CDC5L: variants seen among roughly 807,000 people sequenced by gnomAD.
CDC5L encodes cell division cycle 5 like, also known as cell division cycle 5-like protein.
Under a neutral mutation model 104.1 loss-of-function variants are expected in CDC5L, and 18 were observed. The observed-to-expected ratio is 0.17, with a 90% CI of 0.12 to 0.26. The LOEUF (loss-of-function observed/expected upper bound fraction) is 0.26, where lower values mean the gene tolerates loss of function less well. Ranked by LOEUF, CDC5L falls within the 10% of genes least tolerant of loss-of-function variation. The pLI is 1.00. For synonymous variants in CDC5L, 331 were observed against 322.7 expected, an observed-to-expected ratio of 1.03 and a Z score of -0.28; for missense variants, 673 against 956.9, an observed-to-expected ratio of 0.70 and a Z score of 3.91.
chr6:44,389,222 A>G (rs1385821447), intron 1 of CDC5L, among the ~76,000 whole-genome samples: 2 of 152,248 alleles, frequency 1.3e-5, no homozygotes, highest in Admixed American at 1.3e-4. Context: ...GTTACAAAAA[A>G]GACAATGAAA....
At chr6:44,440,242 CTTT>C (rs770556481) in intron 14 of CDC5L, among the ~76,000 whole-genome samples, 3 of 138,874 alleles carry the variant, frequency 2.2e-5, no homozygotes, top group Admixed American at 7.3e-5. Context: ...TTGACTTAGA[CTTT>C]TTTTTTTTTT....
rs564438879 is a variant in CDC5L at position 44,436,776 on chromosome 6, G to A, written c.2091+6866G>A. On this transcript the variant is annotated intron_variant, in intron 14 of 15. Coordinates refer to ENST00000371477, the MANE Select transcript of CDC5L (RefSeq NM_001253.4). ...ATACCGTATTATGAAATAGAATTACGGTGCGTGAAATTTGTCAGCTTGGCC... is the reference window on the plus strand; with the variant it reads ...ATACCGTATTATGAAATAGAATTACAGTGCGTGAAATTTGTCAGCTTGGCC... 5.1e-3 allele frequency among the ~76,000 whole-genome samples: 782 copies of A among 152,070 alleles called. 3 individuals carry two copies. Among genetic ancestry groups the A allele is most frequent in the Non-Finnish European group, 7.2e-3 (492 of 68,002 alleles).
chr6:44,441,989 T>G, intron 14 of CDC5L, among the ~76,000 whole-genome samples: 1 of 137,014 alleles, frequency 7.3e-6, no homozygotes. Flanking sequence ...CAGGCTGGAG[T>G]GCAGTGGTGC....
At chr6:44,427,438 G>C (rs1792476021) in intron 13 of CDC5L, among the ~76,000 whole-genome samples, 1 of 152,124 alleles carries the variant, frequency 6.6e-6, no homozygotes, top group Admixed American at 6.6e-5. Context: ...TAGACCTATG[G>C]ATTTGGAATG....
In CDC5L at chr6:44,426,232, T is replaced by C. The variant is rs370455573; in HGVS notation, c.1650+49T>C. 1.7e-4 allele frequency: 224 copies of C among 1,316,884 alleles called. No individual in the cohort carries two copies. In the Middle Eastern group the frequency reaches 2.1e-3, roughly 12 times the overall value. 81.6% of individuals were successfully genotyped at this position (1,316,884 alleles called of 1,614,324 possible). A position where few individuals can be genotyped will look rare whatever the true frequency, so the allele number is the denominator to read the frequency against. On this transcript the variant is annotated intron_variant, in intron 12 of 15. Transcript: ENST00000371477. The stretch of plus-strand genomic sequence containing the variant: ...AGGAAGTTTTAAGTTTCTTTTTATA[T>C]GATTGCTGCGTTTTACATCATTCAT...
rs11572048 is a variant in CDC5L, at chr6:44,445,723, G to C, written c.2160G>C (p.Leu720Phe). ...AAKMEKKMKI[L>F]LGGYQSRAMG... The stretch of plus-strand genomic sequence containing the variant: ...AGATGGAAAAGAAGATGAAAATTTT[G>C]CTTGGGGGTTACCAGTCTCGTGCTA... The change falls in exon 15 of 16, where the codon TTG becomes TTC. Residue 720 changes from leucine to phenylalanine, a missense_variant. Leu to Phe is a conservative substitution (Grantham distance 22). Coordinates refer to ENST00000371477, the MANE Select transcript of CDC5L (RefSeq NM_001253.4). 6.6e-4 allele frequency: 1,068 copies of C among 1,614,072 alleles called. 5 individuals are homozygous for C. In the African/African-American group the frequency reaches 0.013, roughly 19 times the overall value.
Position 44,419,573 on chromosome 6 carries a change from A to G in CDC5L, c.1217A>G (p.Asn406Ser). ...CAGCGACAAGTTGTACAGACTCCAAACACAGTTCTCTCTACTCCATTCAGG... is the reference window on the plus strand; with the variant it reads ...CAGCGACAAGTTGTACAGACTCCAAGCACAGTTCTCTCTACTCCATTCAGG... ...TPQRQVVQTP[N>S]TVLSTPFRTP... Residue 406 changes from asparagine to serine, a missense_variant, in exon 9 of 16, where the codon AAC becomes AGC. Coordinates refer to ENST00000371477, the MANE Select transcript of CDC5L (RefSeq NM_001253.4). 6.2e-7 allele frequency: 1 copy of G among 1,613,732 alleles called. No individual in the cohort carries two copies.
chr6:44,422,955 A>T, intron 10 of CDC5L, 146 bp downstream of exon 10: 2 of 455,094 alleles, frequency 4.4e-6, no homozygotes, highest in South Asian at 6.3e-5. Context: ...TATTTGTAAG[A>T]CTTGATGAAA....
chr6:44,431,925 T>C (rs1792705228), intron 14 of CDC5L, among the ~76,000 whole-genome samples: 1 of 152,234 alleles, frequency 6.6e-6, no homozygotes, highest in Non-Finnish European at 1.5e-5. Context: ...AGAATATTCA[T>C]AAAGCAGTCT....
In CDC5L at chr6:44,391,446, C is replaced by T. The variant is rs982012057; in HGVS notation, c.149+1075C>T. On this transcript the variant is annotated intron_variant, in intron 2 of 15. Coordinates refer to ENST00000371477, the MANE Select transcript of CDC5L (RefSeq NM_001253.4). ...TGTATTTTTAGTAGAGACGGAGTTT[C>T]GCCGTGTTAGCCAGGATGGTCTTGA... Among the ~76,000 whole-genome samples the T allele has an allele frequency of 4.6e-5, 7 of 152,012 alleles. No homozygotes were observed. The East Asian group carries it at 1.2e-3, about 25-fold the overall frequency.
chr6:44,390,965 T>C (rs1158755553), intron 2 of CDC5L, among the ~76,000 whole-genome samples: 1 of 130,820 alleles, frequency 7.6e-6, no homozygotes, highest in East Asian at 2.0e-4. Flanking sequence ...ATTAAACATA[T>C]TTAATATGTT....
At chr6:44,420,312 G>T (rs1199133983) in intron 9 of CDC5L, among the ~76,000 whole-genome samples, 1 of 151,972 alleles carries the variant, frequency 6.6e-6, no homozygotes, top group Non-Finnish European at 1.5e-5. Context: ...AGCCAGTACA[G>T]GTTGAGCATC....
rs545249110 is a variant in CDC5L at position 44,439,587 on chromosome 6, A to T, written c.2092-6068A>T. 6.2e-4 allele frequency among the ~76,000 whole-genome samples: 94 copies of T among 152,352 alleles called. 1 individual carries two copies. The South Asian group carries it at 0.018, about 30-fold the overall frequency. ...TTTTTCCTTGCTGTGTTTCCAGGAAAGGGTCCACATAGACTTATATTGAAG... is the reference window on the plus strand; with the variant it reads ...TTTTTCCTTGCTGTGTTTCCAGGAATGGGTCCACATAGACTTATATTGAAG... On this transcript the variant is annotated intron_variant, in intron 14 of 15. Coordinates refer to ENST00000371477, the MANE Select transcript of CDC5L (RefSeq NM_001253.4).
At chr6:44,391,892 G>A (rs1790639714) in intron 2 of CDC5L, among the ~76,000 whole-genome samples, 2 of 152,160 alleles carry the variant, frequency 1.3e-5, no homozygotes, top group South Asian at 4.1e-4. Context: ...GGAGGCTGAG[G>A]TGGGAGGATC....
At chr6:44,441,932 CTTTTT>C (rs145016358) in intron 14 of CDC5L, among the ~76,000 whole-genome samples, 2 of 92,866 alleles carry the variant, frequency 2.2e-5, no homozygotes, top group African/African-American at 8.8e-5. Context: ...AGGTCTTGTT[CTTTTT>C]TTTTTTTTTT....
chr6:44,431,619 A>T (rs757440364), intron 14 of CDC5L, among the ~76,000 whole-genome samples: 4 of 152,006 alleles, frequency 2.6e-5, no homozygotes, highest in Non-Finnish European at 4.4e-5. Flanking sequence ...ATGGTAGAAA[A>T]TTTTTTTCTC....
intron 8 of CDC5L, among the ~76,000 whole-genome samples, chr6:44,415,818 G>C (rs1791882297): frequency 1.3e-5 from 2 of 152,086 alleles, no homozygotes; most frequent in South Asian, 4.2e-4. Flanking sequence ...GAAGAGAATG[G>C]GTGCTTGGTG....
chr6:44,393,462 A>G lies in CDC5L; in HGVS notation c.328A>G (p.Arg110Gly). The G allele has an allele frequency of 6.2e-7, 1 of 1,613,932 alleles. No individual in the cohort carries two copies. The highest frequency in any genetic ancestry group is 8.5e-7 in the Non-Finnish European group (1 of 1,179,882). ...TTTTTCTAGGGATAAAGCTGCCCAA[A>G]GAGACAATGAAGAGGAAACAACAGA... The part of the protein sequence containing the change: ...YEFLLDKAAQ[R>G]DNEEETTDDP... Residue 110 changes from arginine to glycine, a missense_variant, in exon 4 of 16, where the codon AGA (arginine) becomes GGA (glycine). Physicochemically the swap from Arg to Gly is moderately radical, Grantham distance 125. Coordinates refer to ENST00000371477, the MANE Select transcript of CDC5L (RefSeq NM_001253.4).
chr6:44,396,481 C>T (rs201131943), intron 5 of CDC5L, 41 bp downstream of exon 5: 5 of 1,253,826 alleles, frequency 4.0e-6, no homozygotes, highest in East Asian at 4.7e-5. Context: ...GTGTTTTTCT[C>T]ACATAACAAT....
Sources: gnomAD v4.1 joint callset for allele counts (sites outside exome capture counted in the v4.1 genomes callset) on GRCh38, gnomAD v4.1.1 for gene constraint, MANE v1.5 for transcripts, NCBI Gene and HGNC (gene_info 2026-07-23, HGNC 2026-07-21) for gene names.